Variants in ST3GAL3 observed in about 807,000 individuals in gnomAD.
ST3GAL3 encodes CMP-N-acetylneuraminate-beta-1,4-galactoside alpha-2,3-sialyltransferase.
In ST3GAL3, 21 loss-of-function variants were observed where a neutral mutation model predicts 50.1. The observed-to-expected ratio is 0.42, with a 90% CI of 0.30 to 0.60. The LOEUF (loss-of-function observed/expected upper bound fraction) is 0.60, where lower values mean the gene tolerates loss of function less well. Among genes scored for constraint, ST3GAL3 ranks in the 20% least tolerant of loss-of-function variants. The probability of loss-of-function intolerance (pLI) is 0.19; values close to 1 mark genes in which losing one functional copy is unlikely to be tolerated. For missense variants in ST3GAL3, 353 were observed against 489.4 expected (o/e 0.72, Z 2.63); for synonymous variants, 183 against 190.0 (o/e 0.96, Z 0.30).
chr1:43,904,329 G>A (rs1474250029), intron 9 of ST3GAL3, among the ~76,000 whole-genome samples: 1 of 152,090 alleles, frequency 6.6e-6, no homozygotes, highest in Non-Finnish European at 1.5e-5. Context: ...GAGCCTTAGC[G>A]TGGACTCTGT....
chr1:43,740,993 T>C (rs1448462543), intron 2 of ST3GAL3, among the ~76,000 whole-genome samples: 9 of 151,956 alleles, frequency 5.9e-5, no homozygotes, highest in Admixed American at 5.9e-4. Context: ...ATTAATAAAG[T>C]AGATCTTTCA....
At chr1:43,869,989 G>T (rs1009653434) in intron 5 of ST3GAL3, among the ~76,000 whole-genome samples, 1 of 152,128 alleles carries the variant, frequency 6.6e-6, no homozygotes, top group African/African-American at 2.4e-5. Flanking sequence ...CCTAGAACTT[G>T]TTATGGTCCG....
intron 5 of ST3GAL3, among the ~76,000 whole-genome samples, chr1:43,880,800 G>A (rs998435736): frequency 3.9e-5 from 6 of 152,164 alleles, no homozygotes; most frequent in South Asian, 2.1e-4. Context: ...TAATACGAAC[G>A]AGGATATAAA....
intron 4 of ST3GAL3, chr1:43,831,523 A>C (rs2063546551): frequency 6.6e-6 from 1 of 152,256 alleles, no homozygotes; most frequent in South Asian, 2.1e-4. Flanking sequence ...TTCTATTGTC[A>C]AATGTATCAT....
rs1557563478 is a variant in ST3GAL3 at position 43,920,861 on chromosome 1, A to G, written c.971A>G (p.Tyr324Cys). ...CDEVAVAGFG[Y>C]DMSTPNAPLH... Reference sequence around the variant, plus strand: ...GAGGTGGCAGTCGCAGGATTTGGCTATGACATGAGCACACCCAACGCACCC... The same window carrying G: ...GAGGTGGCAGTCGCAGGATTTGGCTGTGACATGAGCACACCCAACGCACCC... Residue 324 changes from tyrosine (Y) to cysteine (C), a missense_variant, in exon 11 of 12, where the codon TAT (tyrosine) becomes TGT (cysteine). Transcript: ENST00000347631. 5 of 1,613,780 alleles carry G rather than the reference A, an allele frequency of 3.1e-6. No individual in the cohort carries two copies. Among genetic ancestry groups the G allele is most frequent in the Non-Finnish European group, 3.4e-6 (4 of 1,179,856 alleles).
Position 43,816,835 on chromosome 1 carries a change from A to G in ST3GAL3, c.209+1902A>G, listed in dbSNP as rs540811082. On this transcript the variant is annotated intron_variant, in intron 4 of 11. Transcript: ENST00000347631. The stretch of plus-strand genomic sequence containing the variant: ...TTTGATTTAACTCACAATCTAAGGT[A>G]CAAGCTAGAACTGTCCTGCCTCTAG... Among the ~76,000 whole-genome samples, 8 of 152,320 alleles carry G rather than the reference A, an allele frequency of 5.3e-5. No individual in the cohort carries two copies. The East Asian group carries it at 1.2e-3, about 22-fold the overall frequency.
chr1:43,823,539 C>A (rs1042799729), intron 4 of ST3GAL3, among the ~76,000 whole-genome samples: 1 of 152,128 alleles, frequency 6.6e-6, no homozygotes, highest in Non-Finnish European at 1.5e-5. Context: ...TTTGCCCATC[C>A]CATTTAAAAT....
chr1:43,915,118 A>G (rs1039401249), intron 9 of ST3GAL3, among the ~76,000 whole-genome samples: 2 of 152,220 alleles, frequency 1.3e-5, no homozygotes, highest in Non-Finnish European at 2.9e-5. Context: ...TGCCAGAGAA[A>G]GAGATGTTGC....
intron 5 of ST3GAL3, among the ~76,000 whole-genome samples, chr1:43,857,038 G>T (rs953242949): frequency 6.6e-6 from 1 of 152,056 alleles, no homozygotes; most frequent in Non-Finnish European, 1.5e-5. Context: ...AAATCCATCA[G>T]CTGTAGGAGA....
intron 3 of ST3GAL3, among the ~76,000 whole-genome samples, chr1:43,807,169 C>T (rs1343288345): frequency 6.6e-6 from 1 of 152,084 alleles, no homozygotes; most frequent in Non-Finnish European, 1.5e-5. Context: ...GTAATCTCAG[C>T]ACTTTGGGAG....
intron 5 of ST3GAL3, chr1:43,851,117 T>G: frequency 1.9e-6 from 2 of 1,057,388 alleles, no homozygotes; most frequent in Non-Finnish European, 3.0e-6. Context: ...ATAGTCCAGG[T>G]TTTAGGAGGA....
chr1:43,785,658 G>A (rs902745141), intron 2 of ST3GAL3, among the ~76,000 whole-genome samples: 9 of 151,956 alleles, frequency 5.9e-5, no homozygotes, highest in Non-Finnish European at 1.2e-4. Context: ...ACTAATGTGG[G>A]CGCTAGGGCC....
At chr1:43,840,418 C>A (rs1289146027) in intron 5 of ST3GAL3, 1 of 152,164 alleles carries the variant, frequency 6.6e-6, no homozygotes, top group African/African-American at 2.4e-5. Flanking sequence ...ATGTCCTTCT[C>A]ACATTTCAAC....
intron 11 of ST3GAL3, among the ~76,000 whole-genome samples, chr1:43,924,404 T>A (rs374298915): frequency 1.3e-5 from 2 of 152,260 alleles, no homozygotes; most frequent in East Asian, 3.8e-4. Context: ...AAATGCCTTT[T>A]ATGTAAACTT....
chr1:43,785,070 G>C (rs963591629), intron 2 of ST3GAL3, among the ~76,000 whole-genome samples: 1 of 150,882 alleles, frequency 6.6e-6, no homozygotes, highest in African/African-American at 2.4e-5. Context: ...CTCAGGTTTT[G>C]TTTGGGATTG....
intron 5 of ST3GAL3, among the ~76,000 whole-genome samples, chr1:43,861,162 A>C (rs1480619124): frequency 6.6e-6 from 1 of 152,250 alleles, no homozygotes; most frequent in Non-Finnish European, 1.5e-5. Flanking sequence ...AACCTGGGTT[A>C]GAATCCCAAC....
chr1:43,791,834 C>T (rs2058115023), intron 2 of ST3GAL3, among the ~76,000 whole-genome samples: 1 of 152,198 alleles, frequency 6.6e-6, no homozygotes, highest in Non-Finnish European at 1.5e-5. Flanking sequence ...AATTTGTCCC[C>T]TAATCTGGCA....
chr1:43,830,777 C>T (rs2063444438), intron 4 of ST3GAL3, among the ~76,000 whole-genome samples: 1 of 152,190 alleles, frequency 6.6e-6, no homozygotes, highest in Non-Finnish European at 1.5e-5. Context: ...CTTTCTGTCC[C>T]CTGAAGTCTC....
intron 3 of ST3GAL3, chr1:43,801,496 C>G: frequency 2.5e-6 from 1 of 402,706 alleles, no homozygotes; most frequent in East Asian, 7.2e-5. Context: ...TGTCCTGGAA[C>G]AGGATGTGAC....
Sources: allele counts gnomAD v4.1 joint callset (sites outside exome capture counted in the v4.1 genomes callset), GRCh38; gene constraint gnomAD v4.1.1; transcripts MANE v1.5; gene names NCBI Gene and HGNC (gene_info 2026-07-23, HGNC 2026-07-21).